NF1: variants seen among roughly 807,000 people sequenced by gnomAD.
NF1 encodes neurofibromin.
A neutral mutation model predicts 325.7 loss-of-function variants in NF1; 122 were observed. That is an observed-to-expected ratio of 0.37 (90% CI 0.32 to 0.44). The LOEUF is 0.44. Ranked by LOEUF, NF1 falls within the 20% of genes least tolerant of loss-of-function variation. NF1 has a pLI of 1.00. For missense variants in NF1, 2,140 were observed against 3,415.4 expected (o/e 0.63, Z 9.31); for synonymous variants, 1,091 against 1,186.0 (o/e 0.92, Z 1.65).
intron 57 of NF1, among the ~76,000 whole-genome samples, chr17:31,371,304 T>G (rs183578409): frequency 6.6e-6 from 1 of 152,186 alleles, no homozygotes; most frequent in Non-Finnish European, 1.5e-5. Flanking sequence ...GCAAGTTAAT[T>G]TAAAAGCAAG....
chr17:31,140,574 A>G (rs780781026), intron 1 of NF1, among the ~76,000 whole-genome samples: 3 of 152,248 alleles, frequency 2.0e-5, no homozygotes, highest in Non-Finnish European at 4.4e-5. Context: ...TTTCAAAAGT[A>G]TAGCTAGGGC....
intron 29 of NF1, among the ~76,000 whole-genome samples, chr17:31,245,749 C>A (rs1229273454): frequency 6.6e-6 from 1 of 152,176 alleles, no homozygotes; most frequent in Non-Finnish European, 1.5e-5. Context: ...GTTCGGCAAC[C>A]TGGAAGCTCT....
Position 31,230,693 on chromosome 17 carries a change from G to C in NF1, c.3114-149G>C. 4.2e-6 allele frequency: 3 copies of C among 712,822 alleles called. No individual in the cohort carries two copies. In the Admixed American group the frequency reaches 6.3e-5, roughly 15 times the overall value. The allele number at this position is 712,822 out of a possible 1,614,324, so 44.2% of individuals were successfully genotyped here. A position where few individuals can be genotyped will look rare whatever the true frequency, so the allele number is the denominator to read the frequency against. ...TTGTTCCCTTCTGGCTTTTATGTCT[G>C]TGATAGCAGTATCTCTTTTATAAAG... On this transcript the variant is annotated intron_variant, in intron 23 of 57. Coordinates refer to ENST00000358273, the MANE Select transcript of NF1 (RefSeq NM_001042492.3).
At chr17:31,240,756 C>A (rs2067282403) in intron 29 of NF1, among the ~76,000 whole-genome samples, 1 of 152,106 alleles carries the variant, frequency 6.6e-6, no homozygotes, top group Non-Finnish European at 1.5e-5. Flanking sequence ...TATTGCCCGT[C>A]TTTTGGATAA....
In NF1 at chr17:31,169,974, C is replaced by T. The variant is rs1060500309; in HGVS notation, c.563C>T (p.Ala188Val). Residue 188 changes from alanine (A) to valine (V), a missense_variant, in exon 5 of 58, where the codon GCA becomes GTA. Physicochemically the swap from Ala to Val is moderately conservative, Grantham distance 64. This residue lies in a region of NF1 where 246 missense variants were observed against 347.8 expected (regional missense o/e 0.71). Transcript: ENST00000358273. Reference sequence around the variant, plus strand: ...TTACAGTATATCAATGTGGATTGTGCAAAATTAAAACGACTCCTGAAGGGT... The same window carrying T: ...TTACAGTATATCAATGTGGATTGTGTAAAATTAAAACGACTCCTGAAGGGT... ...ELLQYINVDC[A>V]KLKRLLKETA... 8.6e-7 allele frequency: 1 copy of T among 1,167,292 alleles called. No individual in the cohort carries two copies. 72.3% of individuals were successfully genotyped at this position (1,167,292 alleles called of 1,614,324 possible).
In NF1 at chr17:31,358,976, T is replaced by G. The variant is rs2070339212; in HGVS notation, c.8121T>G (p.Gly2707=). ...AAATTTGATTTGTTGCAGGTTTTGG[T>G]TTTAATGGCTTGTGGCGGTTTGCAG... The part of the protein sequence containing the change: ...QYQTSYLQSF[G]FNGLWRFAGP... The change falls in exon 56 of 58, where the codon GGT becomes GGG. Residue 2707 remains glycine (G), a synonymous_variant. Transcript: ENST00000358273. The G allele has an allele frequency of 1.2e-6, 2 of 1,613,722 alleles. No homozygotes were observed. The highest frequency in any genetic ancestry group is 1.3e-5 in the African/African-American group (1 of 74,924).
At chr17:31,222,703 A>G (rs2066947120) in intron 15 of NF1, 1 of 220,160 alleles carries the variant, frequency 4.5e-6, no homozygotes, top group Non-Finnish European at 8.1e-6. Context: ...TCAACATGTA[A>G]TCAATATAAA....
intron 5 of NF1, among the ~76,000 whole-genome samples, chr17:31,180,547 C>G (rs77130846): frequency 1.3e-5 from 2 of 152,126 alleles, no homozygotes; most frequent in Non-Finnish European, 2.9e-5. Flanking sequence ...ATTCAACAGC[C>G]CTTCATGCCA....
intron 5 of NF1, among the ~76,000 whole-genome samples, chr17:31,175,132 A>AG (rs2065997527): frequency 2.0e-5 from 3 of 148,490 alleles, no homozygotes; most frequent in Admixed American, 6.7e-5. Context: ...AAAAAAAAAA[A>AG]GAGTTTTTAC....
At chr17:31,338,883 A>G in intron 46 of NF1, 78 bp downstream of exon 46, 1 of 934,748 alleles carries the variant, frequency 1.1e-6, no homozygotes, top group South Asian at 1.4e-5. Context: ...AGAGTTTAGA[A>G]AATAAGATGA....
At chr17:31,140,874 C>T (rs1425527604) in intron 1 of NF1, among the ~76,000 whole-genome samples, 2 of 152,096 alleles carry the variant, frequency 1.3e-5, no homozygotes, top group African/African-American at 2.4e-5. Context: ...TATATAATCT[C>T]ACTTATATGT....
intron 5 of NF1, among the ~76,000 whole-genome samples, chr17:31,178,798 G>A (rs2066071746): frequency 1.3e-5 from 2 of 152,146 alleles, no homozygotes; most frequent in Admixed American, 1.3e-4. Context: ...AGAGATCAGT[G>A]CAACAACAAG....
chr17:31,257,785 TGTAA>T (rs928409818), intron 31 of NF1: 5 of 152,294 alleles, frequency 3.3e-5, no homozygotes, highest in Non-Finnish European at 7.3e-5. Flanking sequence ...TAACATTACT[TGTAA>T]GTAAGTTTTT....
At chr17:31,219,666 T>A (rs1296626033) in intron 14 of NF1, among the ~76,000 whole-genome samples, 1 of 139,992 alleles carries the variant, frequency 7.1e-6, no homozygotes, top group African/African-American at 2.7e-5. Flanking sequence ...CACACAGTTG[T>A]GCAACTATAG....
At chr17:31,292,910 G>T (rs1161560703) in intron 36 of NF1, among the ~76,000 whole-genome samples, 1 of 152,080 alleles carries the variant, frequency 6.6e-6, no homozygotes, top group African/African-American at 2.4e-5. Flanking sequence ...AGGCGTGGTG[G>T]CTCATGCCTG....
intron 36 of NF1, among the ~76,000 whole-genome samples, chr17:31,285,043 C>G (rs529251337): frequency 1.3e-5 from 2 of 152,024 alleles, no homozygotes; most frequent in Non-Finnish European, 2.9e-5. Context: ...CGCTTGAGCC[C>G]GGGAGGCAGA....
At chr17:31,122,582 T>G (rs1450232365) in intron 1 of NF1, among the ~76,000 whole-genome samples, 1 of 152,244 alleles carries the variant, frequency 6.6e-6, no homozygotes, top group Admixed American at 6.5e-5. Context: ...GCTGTTGGCT[T>G]AAACATCTAA....
rs863224664 is a variant in NF1, at chr17:31,350,231, A to G, written c.7370A>G (p.His2457Arg). 1.3e-5 allele frequency: 21 copies of G among 1,613,856 alleles called. No homozygotes were observed. The highest frequency in any genetic ancestry group is 2.2e-5 in the East Asian group (1 of 44,870). The change falls in exon 50 of 58, where the codon CAT becomes CGT. Residue 2457 changes from histidine to arginine, a missense_variant. Physicochemically the swap from His to Arg is conservative, Grantham distance 29. This residue lies in a region of NF1 where 522 missense variants were observed against 749.0 expected (regional missense o/e 0.70). Transcript: ENST00000358273. Reference sequence around the variant, plus strand: ...GTTCGAAGTCGCTGCAGCCTAAAACATAGAAAGTCACTTCTTCTTACTGAT... The same window carrying G: ...GTTCGAAGTCGCTGCAGCCTAAAACGTAGAAAGTCACTTCTTCTTACTGAT... The part of the protein sequence containing the change: ...EEVRSRCSLK[H>R]RKSLLLTDIS...
chr17:31,274,195 GTGTT>G (rs1173587025), intron 36 of NF1, among the ~76,000 whole-genome samples: 1 of 152,132 alleles, frequency 6.6e-6, no homozygotes, highest in Non-Finnish European at 1.5e-5. Context: ...AAACTTTTGT[GTGTT>G]TGTGTATGGT....
Sources: allele counts gnomAD v4.1 joint callset (sites outside exome capture counted in the v4.1 genomes callset), GRCh38; gene constraint gnomAD v4.1.1; regional missense constraint gnomAD v4.1.1; transcripts MANE v1.5; gene names NCBI Gene and HGNC (gene_info 2026-07-23, HGNC 2026-07-21).